DIS3L2: variants seen among roughly 807,000 people sequenced by gnomAD.
DIS3L2 encodes the protein DIS3 like 3'-5' exoribonuclease 2.
In DIS3L2, 34 loss-of-function variants were observed where a neutral mutation model predicts 97.5. The observed-to-expected ratio is 0.35, with a 90% CI of 0.27 to 0.46. The LOEUF is 0.46. DIS3L2 is among the 20% of genes least tolerant of loss of function. DIS3L2 has a pLI of 1.00. For synonymous variants in DIS3L2, 435 were observed against 445.2 expected (o/e 0.98, Z 0.29); for missense variants, 1,038 against 1,146.0 (o/e 0.91, Z 1.36).
chr2:232,103,961 A>G (rs1382516533), intron 6 of DIS3L2, among the ~76,000 whole-genome samples: 1 of 152,098 alleles, frequency 6.6e-6, no homozygotes, highest in Non-Finnish European at 1.5e-5. Context: ...GTTTAGTTTC[A>G]TCTGTATCTG....
At chr2:232,069,143 G>A (rs1194327744) in intron 5 of DIS3L2, among the ~76,000 whole-genome samples, 1 of 152,092 alleles carries the variant, frequency 6.6e-6, no homozygotes, top group Non-Finnish European at 1.5e-5. Context: ...TGAGGTCCAG[G>A]ATATTTAAGT....
At chr2:232,227,055 A>G (rs962938590) in intron 10 of DIS3L2, among the ~76,000 whole-genome samples, 7 of 152,222 alleles carry the variant, frequency 4.6e-5, no homozygotes, top group African/African-American at 1.7e-4. Context: ...CAGCTCAGAA[A>G]TAGAAAGTGA....
chr2:232,288,946 A>AG (rs1454874281), intron 13 of DIS3L2, among the ~76,000 whole-genome samples: 8 of 152,254 alleles, frequency 5.3e-5, no homozygotes. Flanking sequence ...ACAGAAAATC[A>AG]GAATGAAGGA....
intron 13 of DIS3L2, among the ~76,000 whole-genome samples, chr2:232,288,716 C>T (rs937627094): frequency 1.3e-5 from 2 of 152,176 alleles, no homozygotes; most frequent in African/African-American, 4.8e-5. Context: ...GGGAATGTCC[C>T]GTTTTCTTTT....
At chr2:232,108,676 A>C (rs1190824654) in intron 6 of DIS3L2, among the ~76,000 whole-genome samples, 1 of 152,234 alleles carries the variant, frequency 6.6e-6, no homozygotes, top group Admixed American at 6.5e-5. Context: ...TCAGCCCAAA[A>C]GCTTCTTAAG....
intron 9 of DIS3L2, among the ~76,000 whole-genome samples, chr2:232,172,054 T>G (rs1691006305): frequency 6.6e-6 from 1 of 152,222 alleles, no homozygotes; most frequent in Non-Finnish European, 1.5e-5. Flanking sequence ...TATAATGATA[T>G]TTAAAAATTT....
chr2:232,071,192 AAGAG>A (rs1385539611), intron 5 of DIS3L2, among the ~76,000 whole-genome samples: 1 of 152,194 alleles, frequency 6.6e-6, no homozygotes, highest in Non-Finnish European at 1.5e-5. Context: ...AAGAATCAGA[AAGAG>A]AGAGACAGAT....
intron 10 of DIS3L2, among the ~76,000 whole-genome samples, chr2:232,215,912 G>C (rs2106224845): frequency 6.6e-6 from 1 of 152,294 alleles, no homozygotes; most frequent in South Asian, 2.1e-4. Context: ...CTAGCAGCCA[G>C]GCCAGACCCT....
intron 5 of DIS3L2, among the ~76,000 whole-genome samples, chr2:232,048,742 AAG>A (rs1553603251): frequency 1.3e-5 from 2 of 152,204 alleles, no homozygotes; most frequent in South Asian, 4.1e-4. Flanking sequence ...AAAAAAAAAA[AAG>A]AGTTGTATAT....
chr2:232,022,646 C>A (rs532539540), intron 3 of DIS3L2, among the ~76,000 whole-genome samples: 1 of 152,222 alleles, frequency 6.6e-6, no homozygotes, highest in African/African-American at 2.4e-5. Flanking sequence ...CATTTAATTT[C>A]AATGAATTGA....
intron 13 of DIS3L2, among the ~76,000 whole-genome samples, chr2:232,265,002 TGGTGGAAGAGA>T (rs1246671151): frequency 6.6e-6 from 1 of 152,204 alleles, no homozygotes; most frequent in African/African-American, 2.4e-5. Context: ...ACAGCAGACA[TGGTGGAAGAGA>T]AACTAAAGGC....
chr2:232,039,726 T>G (rs1388560291), intron 5 of DIS3L2, among the ~76,000 whole-genome samples: 1 of 152,336 alleles, frequency 6.6e-6, no homozygotes. Flanking sequence ...CCTTTGTCAA[T>G]TGGAATATTA....
intron 7 of DIS3L2, 103 bp from the exon 8 acceptor site, chr2:232,136,369 T>G: frequency 2.1e-6 from 3 of 1,443,118 alleles, no homozygotes; most frequent in Non-Finnish European, 2.8e-6. Context: ...CTAGAAAAAC[T>G]GCTGGTTCCT....
chr2:232,329,785 T>TCCCCGGGGGGCCCCCCCCC, intron 14 of DIS3L2, 28 bp from the exon 15 acceptor site: 8 of 967,136 alleles, frequency 8.3e-6, no homozygotes, highest in Admixed American at 6.8e-5. Flanking sequence ...ACCCCAGCGG[T>TCCCCGGGGGGCCCCCCCCC]CCCTCCCATC....
intron 5 of DIS3L2, 87 bp from the exon 6 acceptor site, chr2:232,087,400 T>C: frequency 1.1e-6 from 1 of 944,614 alleles, no homozygotes; most frequent in Non-Finnish European, 1.6e-6. Flanking sequence ...CTTCTGAATA[T>C]GCAGTTTCTT....
In DIS3L2 at chr2:232,130,738, TCTC is replaced by T. The variant is rs770382694; in HGVS notation, c.702+21_702+23del. On this transcript the variant is annotated intron_variant, in intron 7 of 20. Coordinates refer to ENST00000325385, the MANE Select transcript of DIS3L2 (RefSeq NM_152383.5). ...AGCAAAGGTCATTGCCTACAGATTT[TCTC>T]CACGTGTCCAAATGGCTTTCACCTG... 4 of 1,612,618 alleles carry T rather than the reference TCTC, an allele frequency of 2.5e-6. No homozygotes were observed. Among genetic ancestry groups the T allele is most frequent in the Non-Finnish European group, 3.4e-6 (4 of 1,179,416 alleles).
At chr2:231,986,521 AT>A (rs1007147585) in intron 1 of DIS3L2, among the ~76,000 whole-genome samples, 2 of 152,078 alleles carry the variant, frequency 1.3e-5, no homozygotes, top group African/African-American at 4.8e-5. Flanking sequence ...TTTCATTGTT[AT>A]GTTTCCTTTA....
At chr2:232,203,631 A>G (rs1574943554) in intron 9 of DIS3L2, among the ~76,000 whole-genome samples, 1 of 152,230 alleles carries the variant, frequency 6.6e-6, no homozygotes. Context: ...CAATCTCATT[A>G]CCAGACCTGA....
At chr2:232,046,502 A>G (rs1695248283) in intron 5 of DIS3L2, among the ~76,000 whole-genome samples, 1 of 152,230 alleles carries the variant, frequency 6.6e-6, no homozygotes, top group African/African-American at 2.4e-5. Flanking sequence ...TAGAGAAAGG[A>G]GGAACATATA....
Sources: gnomAD v4.1 joint callset for allele counts (sites outside exome capture counted in the v4.1 genomes callset) on GRCh38, gnomAD v4.1.1 for gene constraint, MANE v1.5 for transcripts, NCBI Gene and HGNC (gene_info 2026-07-23, HGNC 2026-07-21) for gene names.